Variants in MGLL observed in about 807,000 individuals in gnomAD.
MGLL encodes monoglyceride lipase, also known as lysophospholipase homolog.
MGLL carries 7 observed loss-of-function variants against 29.1 expected under a neutral mutation model. The ratio of observed to expected loss-of-function variants is 0.24; its 90% CI spans 0.14 to 0.45. The LOEUF is 0.45. Among genes scored for constraint, MGLL ranks in the 20% least tolerant of loss-of-function variants. MGLL has a pLI of 0.99. For missense variants in MGLL, 356 were observed against 413.6 expected, an observed-to-expected ratio of 0.86 and a Z score of 1.21; for synonymous variants, 148 against 168.3, an observed-to-expected ratio of 0.88 and a Z score of 0.93.
chr3:127,795,730 T>G (rs2077372431), intron 2 of MGLL, among the ~76,000 whole-genome samples: 1 of 152,096 alleles, frequency 6.6e-6, no homozygotes, highest in Admixed American at 6.6e-5. Flanking sequence ...CCACCAAATC[T>G]GCACATATGT....
intron 3 of MGLL, among the ~76,000 whole-genome samples, chr3:127,728,488 A>G (rs190686437): frequency 1.1e-3 from 163 of 152,286 alleles, no homozygotes; most frequent in African/African-American, 3.3e-3. Flanking sequence ...GATTTCTACC[A>G]GGTTTTCTTT....
chr3:127,714,023 A>G (rs1030556810), intron 5 of MGLL: 5 of 151,174 alleles, frequency 3.3e-5, no homozygotes, highest in Non-Finnish European at 1.5e-5. Context: ...AGCAAGCCTG[A>G]TTTTCTTCCT....
rs555729390 is a variant in MGLL at position 127,733,847 on chromosome 3, C to A, written c.263-11281G>T. Among the ~76,000 whole-genome samples the A allele has an allele frequency of 1.3e-3, 203 of 152,322 alleles. 1 individual carries two copies. Among genetic ancestry groups the A allele is most frequent in the Middle Eastern group, 3.4e-3 (1 of 294 alleles). On this transcript the variant is annotated intron_variant, in intron 3 of 7. Coordinates refer to ENST00000265052, the MANE Select transcript of MGLL (RefSeq NM_007283.7). ...CAGAGGGAGAAGCTTTGCCTCTGAG[C>A]AGAGGGATGGAGTGGCTGGGTGCGC...
At chr3:127,802,340 C>T (rs752771638) in intron 2 of MGLL, among the ~76,000 whole-genome samples, 8 of 152,216 alleles carry the variant, frequency 5.3e-5, no homozygotes, top group Admixed American at 2.0e-4. Flanking sequence ...CCGAGGCGGT[C>T]AGCAGCCTGA....
chr3:127,805,936 A>G (rs1430944118), intron 2 of MGLL, among the ~76,000 whole-genome samples: 1 of 152,260 alleles, frequency 6.6e-6, no homozygotes, highest in African/African-American at 2.4e-5. Context: ...GTGGTTACAA[A>G]AGAATTTTAA....
intron 6 of MGLL, among the ~76,000 whole-genome samples, chr3:127,705,735 C>T (rs2075588290): frequency 6.8e-6 from 1 of 148,086 alleles, no homozygotes; most frequent in Admixed American, 6.8e-5. Context: ...AAGATCGCGC[C>T]ACTGCACTCC....
At position 127,781,895 on chromosome 3, in the gene MGLL, C is replaced by T. The variant is rs1340658970; in HGVS notation, c.156G>A (p.Lys52=). 6.2e-7 allele frequency: 1 copy of T among 1,613,896 alleles called. No individual in the cohort carries two copies. Among genetic ancestry groups the T allele is most frequent in the Non-Finnish European group, 8.5e-7 (1 of 1,179,944 alleles). Reference sequence around the variant, plus strand: ...CTCCATGGGACACAAAGATGAGGGCCCTGCAGAGACAAGAAGGGAGCCTGG... The same window carrying T: ...CTCCATGGGACACAAAGATGAGGGCTCTGCAGAGACAAGAAGGGAGCCTGG... ...CRYWKPTGTP[K]ALIFVSHGAG... The change falls in exon 3 of 8, where the codon AAG becomes AAA. Residue 52 remains lysine, a splice_region_variant and synonymous_variant. Transcript: ENST00000265052.
At chr3:127,773,328 G>A (rs2076979664) in intron 3 of MGLL, among the ~76,000 whole-genome samples, 1 of 152,260 alleles carries the variant, frequency 6.6e-6, no homozygotes, top group Admixed American at 6.5e-5. Flanking sequence ...ATGCCACCTT[G>A]GGCAGGCGGC....
intron 2 of MGLL, among the ~76,000 whole-genome samples, chr3:127,808,799 T>C (rs1302016749): frequency 6.6e-6 from 1 of 152,176 alleles, no homozygotes; most frequent in Non-Finnish European, 1.5e-5. Context: ...TAGGATTCCT[T>C]TCCTCCTTCT....
At chr3:127,721,240 A>C (rs13088071) in intron 4 of MGLL, 77 bp from the exon 5 acceptor site, 340,313 of 1,268,402 alleles carry the variant, frequency 0.27, 47,621 homozygotes, top group Middle Eastern at 0.43. Flanking sequence ...TGACCAATGC[A>C]GTCCTCTTAA....
chr3:127,801,797 CAT>C (rs1267340701), intron 2 of MGLL, among the ~76,000 whole-genome samples: 5 of 147,482 alleles, frequency 3.4e-5, no homozygotes, highest in Non-Finnish European at 6.0e-5. Flanking sequence ...ATAAATATAT[CAT>C]ATATTTTATA....
At chr3:127,762,284 G>A (rs1156888111) in intron 3 of MGLL, among the ~76,000 whole-genome samples, 1 of 152,066 alleles carries the variant, frequency 6.6e-6, no homozygotes, top group Non-Finnish European at 1.5e-5. Flanking sequence ...ACGGTTGGCA[G>A]CATTACAGCC....
At position 127,791,547 on chromosome 3, in the gene MGLL, A is replaced by C. The variant is rs187062017; in HGVS notation, c.156-9652T>G. Among the ~76,000 whole-genome samples the C allele has an allele frequency of 3.4e-3, 524 of 152,372 alleles. 12 individuals are homozygous for C. Among genetic ancestry groups the C allele is most frequent in the Non-Finnish European group, 8.5e-4 (58 of 68,036 alleles). ...AAGGGAAGGAATGCTTATTGAGCTA[A>C]GTGCTTTACATATGTCATGCTGTGG... On this transcript the variant is annotated intron_variant, in intron 2 of 7. Transcript: ENST00000265052.
chr3:127,801,747 A>T (rs1402353690), intron 2 of MGLL, among the ~76,000 whole-genome samples: 1 of 149,354 alleles, frequency 6.7e-6, no homozygotes, highest in Non-Finnish European at 1.5e-5. Context: ...ATATATATGT[A>T]TATGTTATGT....
At chr3:127,701,007 G>A (rs2075469256) in intron 6 of MGLL, among the ~76,000 whole-genome samples, 1 of 151,986 alleles carries the variant, frequency 6.6e-6, no homozygotes, top group Non-Finnish European at 1.5e-5. Context: ...TTGGGCCCAG[G>A]AATTCAGAAC....
At chr3:127,791,329 C>T (rs1445214071) in intron 2 of MGLL, 1 of 152,360 alleles carries the variant, frequency 6.6e-6, no homozygotes, top group Non-Finnish European at 1.5e-5. Flanking sequence ...TCCTTTCTTT[C>T]TCACTTCTTG....
chr3:127,811,695 G>A (rs1263673224), intron 2 of MGLL, among the ~76,000 whole-genome samples: 1 of 152,202 alleles, frequency 6.6e-6, no homozygotes, highest in Non-Finnish European at 1.5e-5. Flanking sequence ...TGTTCTCATT[G>A]CTCTTGAAAA....
chr3:127,803,220 T>C (rs913620281), intron 2 of MGLL, among the ~76,000 whole-genome samples: 4 of 152,184 alleles, frequency 2.6e-5, no homozygotes, highest in African/African-American at 9.7e-5. Context: ...CCTCAAATGA[T>C]CCACCTGCCT....
At chr3:127,779,947 G>T (rs1278448931) in intron 3 of MGLL, among the ~76,000 whole-genome samples, 1 of 152,164 alleles carries the variant, frequency 6.6e-6, no homozygotes, top group Non-Finnish European at 1.5e-5. Context: ...AGTCAACTGG[G>T]TTCATTTCCT....
Sources: allele counts gnomAD v4.1 joint callset (sites outside exome capture counted in the v4.1 genomes callset), GRCh38; gene constraint gnomAD v4.1.1; transcripts MANE v1.5; gene names NCBI Gene and HGNC (gene_info 2026-07-23, HGNC 2026-07-21).